SOX5: variants seen among roughly 807,000 people sequenced by gnomAD.
SOX5 encodes SRY-box transcription factor 5.
Under a neutral mutation model 92.0 loss-of-function variants are expected in SOX5, and 9 were observed. The ratio of observed to expected loss-of-function variants is 0.10; its 90% CI spans 0.06 to 0.17. The LOEUF (loss-of-function observed/expected upper bound fraction) is 0.17. Among genes scored for constraint, SOX5 ranks in the 10% least tolerant of loss-of-function variants. The pLI is 1.00. For missense variants in SOX5, 642 were observed against 944.5 expected (o/e 0.68, Z 4.20); for synonymous variants, 344 against 336.3 (o/e 1.02, Z -0.25).
intron 1 of SOX5, among the ~76,000 whole-genome samples, chr12:24,429,624 A>G (rs920522607): frequency 4.0e-5 from 6 of 149,298 alleles, no homozygotes; most frequent in Non-Finnish European, 7.4e-5. Flanking sequence ...ACACACACAC[A>G]TACACACACA....
chr12:23,599,468 T>C (rs925259612), intron 9 of SOX5, among the ~76,000 whole-genome samples: 2 of 152,354 alleles, frequency 1.3e-5, no homozygotes, highest in East Asian at 3.9e-4. Flanking sequence ...CAACTGTGAC[T>C]TGGGGTATGA....
intron 6 of SOX5, among the ~76,000 whole-genome samples, chr12:23,723,259 C>G (rs1265580868): frequency 6.6e-6 from 1 of 151,814 alleles, no homozygotes; most frequent in Non-Finnish European, 1.5e-5. Context: ...AAATAATTGA[C>G]TTTTAAAATG....
chr12:23,845,006 C>T (rs2096559291), intron 3 of SOX5, among the ~76,000 whole-genome samples: 1 of 152,156 alleles, frequency 6.6e-6, no homozygotes, highest in African/African-American at 2.4e-5. Context: ...CAGTTATGCA[C>T]TTGGTAGGGA....
intron 4 of SOX5, among the ~76,000 whole-genome samples, chr12:23,980,488 G>T (rs963337316): frequency 2.6e-5 from 4 of 152,094 alleles, no homozygotes; most frequent in African/African-American, 9.7e-5. Flanking sequence ...TTCATGAAAT[G>T]ACTACCATTG....
chr12:23,672,888 T>C (rs558455155), intron 6 of SOX5, among the ~76,000 whole-genome samples: 81 of 152,312 alleles, frequency 5.3e-4, no homozygotes, highest in African/African-American at 1.9e-3. Flanking sequence ...TGTTGTTTTA[T>C]AGTAAACTTT....
intron 6 of SOX5, among the ~76,000 whole-genome samples, chr12:23,683,842 C>A (rs904518365): frequency 6.6e-6 from 1 of 151,860 alleles, no homozygotes; most frequent in Non-Finnish European, 1.5e-5. Context: ...AATCTTTTCA[C>A]CACATAATTT....
intron 7 of SOX5, among the ~76,000 whole-genome samples, chr12:23,657,135 TG>T (rs11354634): frequency 0.73 from 111,223 of 151,528 alleles, 41,550 homozygotes; most frequent in African/African-American, 0.89. Flanking sequence ...TGTTGGAATG[TG>T]GAAATGGAAG....
At chr12:24,356,151 C>T (rs1954801465) in intron 2 of SOX5, among the ~76,000 whole-genome samples, 1 of 151,992 alleles carries the variant, frequency 6.6e-6, no homozygotes, top group Non-Finnish European at 1.5e-5. Context: ...TGGATATTAC[C>T]AATATAGCAT....
intron 1 of SOX5, among the ~76,000 whole-genome samples, chr12:24,556,388 GCAAT>G (rs1251223005): frequency 6.6e-6 from 1 of 152,070 alleles, no homozygotes; most frequent in Admixed American, 6.5e-5. Context: ...TTCAAATCAG[GCAAT>G]GGTATGTTTA....
At chr12:23,765,938 T>G (rs914633608) in intron 3 of SOX5, among the ~76,000 whole-genome samples, 1 of 152,114 alleles carries the variant, frequency 6.6e-6, no homozygotes, top group Non-Finnish European at 1.5e-5. Flanking sequence ...ACTCATCATC[T>G]CCTGAGGAAG....
At chr12:24,450,501 T>TTG (rs1566195011) in intron 1 of SOX5, among the ~76,000 whole-genome samples, 10 of 151,186 alleles carry the variant, frequency 6.6e-5, no homozygotes, top group African/African-American at 2.2e-4. Context: ...TTTATTTATT[T>TTG]ATTTATTTAT....
chr12:23,563,035 C>A (rs1208681331), intron 11 of SOX5, among the ~76,000 whole-genome samples: 1 of 152,116 alleles, frequency 6.6e-6, no homozygotes, highest in Non-Finnish European at 1.5e-5. Flanking sequence ...AGGGGATATT[C>A]ATTGTCAATA....
At chr12:23,552,997 A>G (rs1288462992) in intron 11 of SOX5, among the ~76,000 whole-genome samples, 2 of 151,888 alleles carry the variant, frequency 1.3e-5, no homozygotes, top group Non-Finnish European at 2.9e-5. Context: ...TTTAAAGACA[A>G]CTATCGCTGA....
At chr12:24,516,523 C>G (rs547397470) in intron 1 of SOX5, among the ~76,000 whole-genome samples, 2 of 152,328 alleles carry the variant, frequency 1.3e-5, no homozygotes, top group South Asian at 4.1e-4. Context: ...TGATTGCCAG[C>G]TCTCCTGAAG....
At chr12:24,348,363 C>CTTAT (rs1190389269) in intron 2 of SOX5, among the ~76,000 whole-genome samples, 1 of 42,762 alleles carries the variant, frequency 2.3e-5, no homozygotes, top group South Asian at 7.1e-4. Flanking sequence ...TCTATTGACT[C>CTTAT]CTATTTATTT....
chr12:23,688,004 C>T (rs938447619), intron 6 of SOX5, among the ~76,000 whole-genome samples: 3 of 151,990 alleles, frequency 2.0e-5, no homozygotes, highest in East Asian at 1.9e-4. Flanking sequence ...ATCTGTGCTT[C>T]CCATTAAATC....
At chr12:24,292,613 A>G (rs1946744192) in intron 2 of SOX5, among the ~76,000 whole-genome samples, 1 of 152,210 alleles carries the variant, frequency 6.6e-6, no homozygotes, top group Non-Finnish European at 1.5e-5. Context: ...AATTTCACAA[A>G]GAGAATTTTG....
chr12:24,048,492 T>C (rs1196223310), intron 4 of SOX5, among the ~76,000 whole-genome samples: 1 of 152,140 alleles, frequency 6.6e-6, no homozygotes, highest in East Asian at 1.9e-4. Flanking sequence ...CCTAGGCATA[T>C]ACCCAAGAAA....
intron 2 of SOX5, among the ~76,000 whole-genome samples, chr12:24,292,518 G>T (rs889905316): frequency 1.3e-5 from 2 of 152,166 alleles, no homozygotes; most frequent in Non-Finnish European, 2.9e-5. Flanking sequence ...GGGGAAGACA[G>T]AAATTTTGTG....
Sources: allele counts gnomAD v4.1 joint callset (sites outside exome capture counted in the v4.1 genomes callset), GRCh38; gene constraint gnomAD v4.1.1; transcripts MANE v1.5; gene names NCBI Gene and HGNC (gene_info 2026-07-23, HGNC 2026-07-21).